The following PIGK variants were observed in gnomAD, a reference collection of about 807,000 sequenced individuals.
PIGK encodes GPI-anchor transamidase.
In PIGK, 42 loss-of-function variants were observed where a neutral mutation model predicts 50.6. The observed-to-expected ratio is 0.83, with a 90% CI of 0.65 to 1.07. The LOEUF (loss-of-function observed/expected upper bound fraction) is 1.07. Ranked by LOEUF, PIGK falls within the 50% of genes least tolerant of loss-of-function variation. PIGK has a pLI of 0.00. For missense variants in PIGK, 448 were observed against 488.7 expected, an observed-to-expected ratio of 0.92 and a Z score of 0.78; for synonymous variants, 151 against 156.0, an observed-to-expected ratio of 0.97 and a Z score of 0.24.
intron 3 of PIGK, among the ~76,000 whole-genome samples, chr1:77,204,373 T>C (rs1274436056): frequency 2.0e-5 from 3 of 152,154 alleles, no homozygotes; most frequent in Non-Finnish European, 4.4e-5. Flanking sequence ...CCTGATAAGA[T>C]GTTATCAATG....
At chr1:77,120,063 T>C (rs1654061310) in intron 10 of PIGK, among the ~76,000 whole-genome samples, 1 of 152,150 alleles carries the variant, frequency 6.6e-6, no homozygotes, top group South Asian at 2.1e-4. Flanking sequence ...CAGGTGTAGG[T>C]AAAGTATAAG....
chr1:77,219,285 G>A lies in PIGK; in HGVS notation c.93+25C>T, dbSNP rs369539263. 45 of 1,596,442 alleles carry A rather than the reference G, an allele frequency of 2.8e-5. No individual in the cohort carries two copies. The African/African-American group carries it at 5.5e-4, about 20-fold the overall frequency. On this transcript the variant is annotated intron_variant, in intron 1 of 10. Transcript: ENST00000370812. ...AGGGCTCACAGCCGGCCTCCCGGCT[G>A]TGGTCAAATGAGCCTGACTCCTACC...
chr1:77,152,292 T>A (rs762167318), intron 9 of PIGK, among the ~76,000 whole-genome samples: 4 of 151,936 alleles, frequency 2.6e-5, no homozygotes, highest in African/African-American at 7.2e-5. Context: ...AAACTGGATA[T>A]CCATATGCAG....
intron 3 of PIGK, chr1:77,195,135 G>A: frequency 8.2e-7 from 1 of 1,224,728 alleles, no homozygotes; most frequent in East Asian, 2.7e-5. Context: ...GTGATTCAGA[G>A]TTCATGAATA....
chr1:77,205,963 C>A (rs879583457), intron 3 of PIGK, among the ~76,000 whole-genome samples: 8 of 152,100 alleles, frequency 5.3e-5, no homozygotes, highest in Non-Finnish European at 1.2e-4. Flanking sequence ...CTCTTCCAGT[C>A]ACCCTGCAGC....
chr1:77,101,798 G>T (rs1653548562), intron 10 of PIGK, among the ~76,000 whole-genome samples: 1 of 152,154 alleles, frequency 6.6e-6, no homozygotes, highest in African/African-American at 2.4e-5. Flanking sequence ...AAGGTCAAGA[G>T]ATCAAGACCA....
At chr1:77,182,884 T>C (rs913219910) in intron 3 of PIGK, among the ~76,000 whole-genome samples, 2 of 152,196 alleles carry the variant, frequency 1.3e-5, no homozygotes, top group African/African-American at 4.8e-5. Context: ...CATAATACCT[T>C]TGACCATATC....
At position 77,107,045 on chromosome 1, in the gene PIGK, G is replaced by A. The variant is rs535494199; in HGVS notation, c.1072-14555C>T. On this transcript the variant is annotated intron_variant, in intron 10 of 10. Transcript: ENST00000370812. Reference sequence around the variant, plus strand: ...TGATCTTTTCAAAAAAACAGCTCCTGGATTCATTGAATTTTCGAAGGGTTT... The same window carrying A: ...TGATCTTTTCAAAAAAACAGCTCCTAGATTCATTGAATTTTCGAAGGGTTT... Among the ~76,000 whole-genome samples, 30 of 152,144 alleles carry A rather than the reference G, an allele frequency of 2.0e-4. No homozygotes were observed. In the East Asian group the frequency reaches 3.3e-3, roughly 17 times the overall value.
chr1:77,124,273 T>C (rs1268769928), intron 9 of PIGK, among the ~76,000 whole-genome samples: 1 of 152,160 alleles, frequency 6.6e-6, no homozygotes, highest in Non-Finnish European at 1.5e-5. Context: ...TTTAAAGCAT[T>C]TCACAGTGTA....
intron 9 of PIGK, among the ~76,000 whole-genome samples, chr1:77,149,995 T>C (rs561722156): frequency 1.3e-5 from 2 of 150,808 alleles, no homozygotes; most frequent in East Asian, 3.9e-4. Context: ...GAATAACAAA[T>C]GGGTCAATGG....
chr1:77,138,668 A>C (rs968737753), intron 9 of PIGK, among the ~76,000 whole-genome samples: 3 of 152,222 alleles, frequency 2.0e-5, no homozygotes, highest in Non-Finnish European at 4.4e-5. Flanking sequence ...GTTATACAGC[A>C]GTAGAAAACT....
rs568792664 is a variant in PIGK, at chr1:77,143,433, T to C, written c.986+11016A>G. On this transcript the variant is annotated intron_variant, in intron 9 of 10. Coordinates refer to ENST00000370812, the MANE Select transcript of PIGK (RefSeq NM_005482.3). ...TATAAAAAATTTTTGTGACCCAAAA[T>C]TGATATCCAACATAAAGGATATCAT... 4.3e-4 allele frequency among the ~76,000 whole-genome samples: 65 copies of C among 152,078 alleles called. 1 individual carries two copies. Among genetic ancestry groups the C allele is most frequent in the Admixed American group, 3.6e-3 (55 of 15,258 alleles).
chr1:77,187,740 A>G (rs1410726378), intron 3 of PIGK, among the ~76,000 whole-genome samples: 1 of 152,210 alleles, frequency 6.6e-6, no homozygotes, highest in East Asian at 1.9e-4. Context: ...AGGAGTACAA[A>G]TGGCCCAGAC....
rs1653246584 is a variant in PIGK, at chr1:77,089,332, T to C, written c.*3042A>G. ...TAAGGCCAATTCTTTAAAGCAAAAA[T>C]GGATACTGATCTCATTGTTTTATAG... is the stretch of plus-strand genomic sequence containing the variant. On this transcript the variant is annotated 3_prime_UTR_variant, in exon 11 of 11. Coordinates refer to ENST00000370812, the MANE Select transcript of PIGK (RefSeq NM_005482.3). The C allele has an allele frequency of 6.6e-6, 1 of 152,210 alleles. No homozygotes were observed. The highest frequency in any genetic ancestry group is 2.1e-4 in the South Asian group (1 of 4,830). 9.4% of individuals were successfully genotyped at this position (152,210 alleles called of 1,614,324 possible). A position where few individuals can be genotyped will look rare whatever the true frequency, so the allele number is the denominator to read the frequency against.
chr1:77,122,418 A>T, intron 9 of PIGK, 59 bp from the exon 10 acceptor site: 1 of 855,068 alleles, frequency 1.2e-6, no homozygotes, highest in Non-Finnish European at 2.0e-6. Context: ...AAATATAGCA[A>T]ATATTTAAAT....
At chr1:77,117,596 A>T (rs1001699807) in intron 10 of PIGK, among the ~76,000 whole-genome samples, 4 of 152,192 alleles carry the variant, frequency 2.6e-5, no homozygotes, top group South Asian at 2.1e-4. Flanking sequence ...CTACCTTCCC[A>T]GAGTTCTGCA....
At chr1:77,149,665 C>A (rs764456843) in intron 9 of PIGK, among the ~76,000 whole-genome samples, 4 of 152,012 alleles carry the variant, frequency 2.6e-5, no homozygotes, top group South Asian at 2.1e-4. Flanking sequence ...CACTTCAACA[C>A]CCCACTTTCA....
chr1:77,189,736 TATATATATATATACACACACACAC>T (rs1483472421), intron 3 of PIGK, among the ~76,000 whole-genome samples: 26 of 32,162 alleles, frequency 8.1e-4, no homozygotes, highest in South Asian at 3.6e-3. Flanking sequence ...TATATATATA[TATATATATATATACACACACACAC>T]ACACACACAC....
At chr1:77,183,656 G>C (rs1335079165) in intron 3 of PIGK, among the ~76,000 whole-genome samples, 1 of 152,192 alleles carries the variant, frequency 6.6e-6, no homozygotes, top group African/African-American at 2.4e-5. Context: ...AGTTAGATCA[G>C]GCTAAATTTA....
Sources: allele counts gnomAD v4.1 joint callset (sites outside exome capture counted in the v4.1 genomes callset), GRCh38; gene constraint gnomAD v4.1.1; transcripts MANE v1.5; gene names NCBI Gene and HGNC (gene_info 2026-07-23, HGNC 2026-07-21).